The following PTPRN2 variants were observed in gnomAD, a reference collection of about 807,000 sequenced individuals.
The protein encoded by PTPRN2 is receptor-type tyrosine-protein phosphatase N2.
A neutral mutation model predicts 118.8 loss-of-function variants in PTPRN2; 74 were observed. The ratio of observed to expected loss-of-function variants is 0.62; its 90% CI spans 0.52 to 0.76. The LOEUF (loss-of-function observed/expected upper bound fraction) is 0.76, where lower values mean the gene tolerates loss of function less well. Ranked by LOEUF, PTPRN2 falls within the 30% of genes least tolerant of loss-of-function variation. The pLI is 0.00. For synonymous variants in PTPRN2, 641 were observed against 608.0 expected, an observed-to-expected ratio of 1.05 and a Z score of -0.80; for missense variants, 1,481 against 1,394.4, an observed-to-expected ratio of 1.06 and a Z score of -0.99.
At chr7:158,183,383 C>T (rs966384705) in intron 5 of PTPRN2, among the ~76,000 whole-genome samples, 1 of 152,190 alleles carries the variant, frequency 6.6e-6, no homozygotes, top group Non-Finnish European at 1.5e-5. Flanking sequence ...GCAGCAAAGC[C>T]AGGCTCCCAG....
intron 12 of PTPRN2, among the ~76,000 whole-genome samples, chr7:157,839,628 CTGTGTA>C (rs1331987591): frequency 1.3e-5 from 2 of 150,152 alleles, no homozygotes; most frequent in Non-Finnish European, 3.0e-5. Context: ...GGGAATGTGT[CTGTGTA>C]TGACTGTGTG....
chr7:157,840,213 GGCC>G (rs1808290222), intron 12 of PTPRN2, among the ~76,000 whole-genome samples: 1 of 150,312 alleles, frequency 6.7e-6, no homozygotes, highest in African/African-American at 2.5e-5. Flanking sequence ...GTGACTGTGT[GGCC>G]ACGTGTGACT....
rs565825206 is a variant in PTPRN2, at chr7:157,737,443, G to A, written c.1789-54506C>T. Among the ~76,000 whole-genome samples, 4 of 152,380 alleles carry A rather than the reference G, an allele frequency of 2.6e-5. No individual in the cohort carries two copies. In the East Asian group the frequency reaches 7.7e-4, roughly 29 times the overall value. On this transcript the variant is annotated intron_variant, in intron 12 of 22. Transcript: ENST00000389418. ...AGTGAGCCCTACATGCAGGAGCATG[G>A]TGCTCTCTGGCCGGGCAGCCTCACC...
intron 1 of PTPRN2, among the ~76,000 whole-genome samples, chr7:158,504,384 TCCC>T (rs199538805): frequency 6.6e-6 from 1 of 151,322 alleles, no homozygotes; most frequent in Non-Finnish European, 1.5e-5. Context: ...TCTGTGTCGT[TCCC>T]CCCCCATGTG....
chr7:157,666,904 C>G (rs111644963), intron 13 of PTPRN2, among the ~76,000 whole-genome samples: 2,261 of 152,070 alleles, frequency 0.015, 57 homozygotes, highest in African/African-American at 0.051. Flanking sequence ...CGAGCCCTGG[C>G]TTGCACACTC....
intron 13 of PTPRN2, among the ~76,000 whole-genome samples, chr7:157,657,182 G>A (rs1266927320): frequency 2.6e-5 from 2 of 77,700 alleles, no homozygotes; most frequent in Admixed American, 1.5e-4. Flanking sequence ...ACACACATAT[G>A]CCACACACAC....
chr7:158,143,892 G>T (rs1819627809), intron 6 of PTPRN2, among the ~76,000 whole-genome samples: 1 of 152,138 alleles, frequency 6.6e-6, no homozygotes, highest in Non-Finnish European at 1.5e-5. Context: ...TGCATCTGTA[G>T]ACACCGCCTT....
chr7:158,192,126 G>A (rs1002613648), intron 5 of PTPRN2, among the ~76,000 whole-genome samples: 1 of 152,176 alleles, frequency 6.6e-6, no homozygotes, highest in Non-Finnish European at 1.5e-5. Context: ...AGAGGACTAA[G>A]CATTTGTGGG....
At chr7:157,886,902 T>TCA (rs1256954081) in intron 12 of PTPRN2, among the ~76,000 whole-genome samples, 1 of 30,694 alleles carries the variant, frequency 3.3e-5, no homozygotes, top group Non-Finnish European at 6.8e-5. Flanking sequence ...GAGGTCCTTG[T>TCA]CACAGATCCA....
chr7:158,215,865 A>T (rs767438121), intron 3 of PTPRN2, among the ~76,000 whole-genome samples: 1 of 152,208 alleles, frequency 6.6e-6, no homozygotes, highest in Non-Finnish European at 1.5e-5. Flanking sequence ...ACTCTGAAAG[A>T]ATTACTAAAT....
intron 2 of PTPRN2, among the ~76,000 whole-genome samples, chr7:158,413,508 G>T (rs548649449): frequency 2.1e-4 from 32 of 152,358 alleles, no homozygotes; most frequent in African/African-American, 7.2e-4. Context: ...CTCTGGGCCT[G>T]TGACTAACAC....
At chr7:158,035,463 T>A (rs7456458) in intron 11 of PTPRN2, among the ~76,000 whole-genome samples, 2 of 152,220 alleles carry the variant, frequency 1.3e-5, no homozygotes, top group African/African-American at 4.8e-5. Context: ...CAGCTGAGTG[T>A]GGCAGTGGCA....
At chr7:157,988,054 T>A (rs1443166725) in intron 11 of PTPRN2, among the ~76,000 whole-genome samples, 1 of 152,056 alleles carries the variant, frequency 6.6e-6, no homozygotes, top group East Asian at 1.9e-4. Flanking sequence ...CTCCCCCTTT[T>A]GTCTTCTCCA....
intron 12 of PTPRN2, among the ~76,000 whole-genome samples, chr7:157,825,519 A>G (rs893857258): frequency 3.3e-5 from 5 of 152,162 alleles, no homozygotes; most frequent in African/African-American, 1.2e-4. Flanking sequence ...TGACTAATAC[A>G]CACGTGTTTG....
At chr7:158,085,574 C>T (rs1429091022) in intron 10 of PTPRN2, among the ~76,000 whole-genome samples, 1 of 130,858 alleles carries the variant, frequency 7.6e-6, no homozygotes, top group African/African-American at 3.0e-5. Context: ...CCCATCCACA[C>T]CCTCGACGCC....
chr7:157,788,433 C>T (rs1747066238), intron 12 of PTPRN2, among the ~76,000 whole-genome samples: 1 of 151,716 alleles, frequency 6.6e-6, no homozygotes, highest in Non-Finnish European at 1.5e-5. Context: ...CAAGACACTG[C>T]TGTCTGGAGA....
intron 1 of PTPRN2, among the ~76,000 whole-genome samples, chr7:158,562,133 A>G (rs893802956): frequency 5.9e-5 from 9 of 152,310 alleles, no homozygotes; most frequent in African/African-American, 2.2e-4. Flanking sequence ...CCTGGAAACA[A>G]CAGACCTTGA....
At chr7:158,579,130 G>A (rs1828500618) in intron 1 of PTPRN2, among the ~76,000 whole-genome samples, 1 of 152,064 alleles carries the variant, frequency 6.6e-6, no homozygotes, top group Admixed American at 6.5e-5. Context: ...AACTCCAAAG[G>A]GCTGTCACCA....
chr7:158,484,237 C>CCT (rs1410441994), intron 2 of PTPRN2, among the ~76,000 whole-genome samples: 1 of 152,200 alleles, frequency 6.6e-6, no homozygotes, highest in Non-Finnish European at 1.5e-5. Context: ...CTCAGTACCA[C>CCT]CAAAGGGAAC....
Sources: allele counts gnomAD v4.1 joint callset (sites outside exome capture counted in the v4.1 genomes callset), GRCh38; gene constraint gnomAD v4.1.1; transcripts MANE v1.5; gene names NCBI Gene and HGNC (gene_info 2026-07-23, HGNC 2026-07-21).